CNTN4: variants seen among roughly 807,000 people sequenced by gnomAD.
The protein encoded by CNTN4 is contactin-4.
A neutral mutation model predicts 122.5 loss-of-function variants in CNTN4; 77 were observed. The observed-to-expected ratio is 0.63, with a 90% CI of 0.52 to 0.76. The LOEUF (loss-of-function observed/expected upper bound fraction) is 0.76, where lower values mean the gene tolerates loss of function less well. Ranked by LOEUF, CNTN4 falls within the 30% of genes least tolerant of loss-of-function variation. The probability of loss-of-function intolerance (pLI) is 0.00; values close to 1 mark genes in which losing one functional copy is unlikely to be tolerated. For synonymous variants in CNTN4, 512 were observed against 447.0 expected, an observed-to-expected ratio of 1.15 and a Z score of -1.83; for missense variants, 1,256 against 1,259.1, an observed-to-expected ratio of 1.00 and a Z score of 0.04.
chr3:2,328,631 C>A (rs934340389), intron 2 of CNTN4, among the ~76,000 whole-genome samples: 2 of 150,920 alleles, frequency 1.3e-5, no homozygotes, highest in African/African-American at 2.4e-5. Context: ...TCCACATCTG[C>A]GGATTCAACC....
At chr3:2,821,553 A>T (rs1309104265) in intron 7 of CNTN4, among the ~76,000 whole-genome samples, 2 of 152,162 alleles carry the variant, frequency 1.3e-5, no homozygotes, top group Admixed American at 6.5e-5. Context: ...AGGTTGAAAA[A>T]TCAAATATTT....
At chr3:2,789,086 C>G (rs992224458) in intron 6 of CNTN4, among the ~76,000 whole-genome samples, 1 of 152,092 alleles carries the variant, frequency 6.6e-6, no homozygotes, top group African/African-American at 2.4e-5. Flanking sequence ...CATGTAGATG[C>G]TGCATTCAGT....
chr3:2,793,917 T>C (rs1429243062), intron 6 of CNTN4, among the ~76,000 whole-genome samples: 2 of 152,088 alleles, frequency 1.3e-5, no homozygotes, highest in African/African-American at 2.4e-5. Flanking sequence ...CAAATTCCTA[T>C]CTGAGAAAAA....
At chr3:2,610,721 A>G (rs1200340753) in intron 4 of CNTN4, among the ~76,000 whole-genome samples, 2 of 152,216 alleles carry the variant, frequency 1.3e-5, no homozygotes, top group Non-Finnish European at 2.9e-5. Flanking sequence ...GGTATCTCAT[A>G]TGACTTATAC....
chr3:2,653,684 G>T (rs958698253), intron 4 of CNTN4, among the ~76,000 whole-genome samples: 3 of 151,908 alleles, frequency 2.0e-5, no homozygotes, highest in African/African-American at 7.3e-5. Context: ...TTTTTGTATT[G>T]CTTCTATCTG....
At chr3:2,541,000 G>A (rs138232451) in intron 3 of CNTN4, among the ~76,000 whole-genome samples, 6 of 152,192 alleles carry the variant, frequency 3.9e-5, no homozygotes, top group African/African-American at 7.2e-5. Context: ...ATGAGTAAAC[G>A]GAGGGTTATG....
chr3:2,446,126 C>T (rs950636389), intron 3 of CNTN4, among the ~76,000 whole-genome samples: 2 of 152,152 alleles, frequency 1.3e-5, no homozygotes, highest in Admixed American at 6.5e-5. Flanking sequence ...GCCCACTTTG[C>T]TCAGAGATAC....
rs544507147 is a variant in CNTN4 at position 2,554,755 on chromosome 3, C to A, written c.-88-16661C>A. On this transcript the variant is annotated intron_variant, in intron 3 of 24. Coordinates refer to ENST00000418658, the MANE Select transcript of CNTN4 (RefSeq NM_175607.3). ...CAAAAATAGATGTTAGACTTTCGGC[C>A]TTTGGGTCTGGGATTTGGCATTTAG... is the stretch of plus-strand genomic sequence containing the variant. Among the ~76,000 whole-genome samples the A allele has an allele frequency of 4.8e-3, 738 of 152,230 alleles. 7 individuals are homozygous for A. The highest frequency in any genetic ancestry group is 7.6e-3 in the Non-Finnish European group (519 of 68,026).
intron 3 of CNTN4, among the ~76,000 whole-genome samples, chr3:2,447,754 C>T (rs1034836783): frequency 2.0e-5 from 3 of 152,008 alleles, no homozygotes; most frequent in Admixed American, 6.6e-5. Context: ...CATATCTATA[C>T]TCAATACATA....
intron 1 of CNTN4, among the ~76,000 whole-genome samples, chr3:2,100,127 G>A (rs2031790091): frequency 6.6e-6 from 1 of 152,224 alleles, no homozygotes; most frequent in Admixed American, 6.5e-5. Context: ...CACCCTGGGT[G>A]TGTGGTCTGC....
chr3:2,759,833 C>CT (rs1372018491), intron 6 of CNTN4, among the ~76,000 whole-genome samples: 1 of 152,182 alleles, frequency 6.6e-6, no homozygotes, highest in Non-Finnish European at 1.5e-5. Flanking sequence ...CACATCCTCA[C>CT]TAGCACTTGC....
At chr3:2,602,070 C>G (rs2081069778) in intron 4 of CNTN4, among the ~76,000 whole-genome samples, 1 of 152,068 alleles carries the variant, frequency 6.6e-6, no homozygotes, top group Non-Finnish European at 1.5e-5. Flanking sequence ...TCTCAATAAA[C>G]TAGGTATTGA....
At chr3:2,638,672 TAC>T (rs1242752745) in intron 4 of CNTN4, among the ~76,000 whole-genome samples, 6 of 152,208 alleles carry the variant, frequency 3.9e-5, no homozygotes, top group Non-Finnish European at 7.3e-5. Flanking sequence ...GCTAGACATA[TAC>T]AGTGTGATGA....
At chr3:2,241,111 G>T (rs1030694888) in intron 2 of CNTN4, among the ~76,000 whole-genome samples, 8 of 151,962 alleles carry the variant, frequency 5.3e-5, no homozygotes, top group Non-Finnish European at 1.2e-4. Flanking sequence ...AAATTTTAAG[G>T]AAAATATTTA....
At chr3:2,899,704 G>A (rs1217901200) in intron 10 of CNTN4, among the ~76,000 whole-genome samples, 2 of 152,066 alleles carry the variant, frequency 1.3e-5, no homozygotes, top group Non-Finnish European at 2.9e-5. Context: ...GGATAGCAGT[G>A]GGCAATGTGG....
At chr3:2,368,635 G>T (rs1303602810) in intron 3 of CNTN4, among the ~76,000 whole-genome samples, 1 of 151,430 alleles carries the variant, frequency 6.6e-6, no homozygotes, top group Non-Finnish European at 1.5e-5. Context: ...ATAAAAATAT[G>T]AATAAACCGT....
At chr3:2,683,043 G>C (rs1401373780) in intron 4 of CNTN4, among the ~76,000 whole-genome samples, 1 of 152,062 alleles carries the variant, frequency 6.6e-6, no homozygotes, top group African/African-American at 2.4e-5. Context: ...TTCCTGTGTG[G>C]AGACATTTTC....
chr3:2,622,024 G>T (rs529204004), intron 4 of CNTN4, among the ~76,000 whole-genome samples: 1 of 152,162 alleles, frequency 6.6e-6, no homozygotes, highest in Admixed American at 6.5e-5. Context: ...CACATTAAGG[G>T]ATCCTTTTCC....
At chr3:2,928,023 A>G (rs981743250) in intron 13 of CNTN4, among the ~76,000 whole-genome samples, 1 of 152,190 alleles carries the variant, frequency 6.6e-6, no homozygotes, top group African/African-American at 2.4e-5. Flanking sequence ...TGTAGTATAT[A>G]GGGGAATGCT....
Sources: gnomAD v4.1 joint callset for allele counts (sites outside exome capture counted in the v4.1 genomes callset) on GRCh38, gnomAD v4.1.1 for gene constraint, MANE v1.5 for transcripts, NCBI Gene and HGNC (gene_info 2026-07-23, HGNC 2026-07-21) for gene names.